The following RGS6 variants were observed in gnomAD, a reference collection of about 807,000 sequenced individuals.
RGS6 encodes regulator of G protein signaling 6, also known as regulator of G-protein signaling 6.
A neutral mutation model predicts 78.5 loss-of-function variants in RGS6; 30 were observed. The ratio of observed to expected loss-of-function variants is 0.38; its 90% CI spans 0.29 to 0.52. RGS6 has a LOEUF of 0.52. RGS6 is among the 20% of genes least tolerant of loss of function. The probability of loss-of-function intolerance (pLI) is 0.85; values close to 1 mark genes in which losing one functional copy is unlikely to be tolerated. For synonymous variants in RGS6, 206 were observed against 206.0 expected, an observed-to-expected ratio of 1.00 and a Z score of 0.00; for missense variants, 495 against 609.7, an observed-to-expected ratio of 0.81 and a Z score of 1.98.
chr14:72,404,269 T>C (rs2153017704), intron 3 of RGS6, among the ~76,000 whole-genome samples: 1 of 152,318 alleles, frequency 6.6e-6, no homozygotes, highest in African/African-American at 2.4e-5. Flanking sequence ...TACAAGCTCC[T>C]TTAAGATGCC....
At chr14:72,311,789 A>G (rs1359378207) in intron 2 of RGS6, among the ~76,000 whole-genome samples, 2 of 152,212 alleles carry the variant, frequency 1.3e-5, no homozygotes, top group South Asian at 4.1e-4. Flanking sequence ...ATTTACATAC[A>G]AAATTGTGGT....
intron 2 of RGS6, among the ~76,000 whole-genome samples, chr14:72,011,123 C>G (rs1170833822): frequency 6.6e-6 from 1 of 152,230 alleles, no homozygotes; most frequent in African/African-American, 2.4e-5. Flanking sequence ...TCCTTTTCCT[C>G]CTCTTTGAGT....
chr14:71,985,766 T>C (rs1247518857), intron 2 of RGS6, among the ~76,000 whole-genome samples: 1 of 152,170 alleles, frequency 6.6e-6, no homozygotes, highest in Non-Finnish European at 1.5e-5. Context: ...GAGAGCTTTG[T>C]TGATGCCTGG....
At chr14:72,024,681 C>G (rs11847964) in intron 2 of RGS6, among the ~76,000 whole-genome samples, 19,824 of 152,136 alleles carry the variant, frequency 0.13, 1,343 homozygotes, top group East Asian at 0.17. Context: ...CATAAATGAA[C>G]AAACTAGCTC....
intron 2 of RGS6, among the ~76,000 whole-genome samples, chr14:72,288,227 A>G (rs2062941918): frequency 6.6e-6 from 1 of 152,236 alleles, no homozygotes; most frequent in African/African-American, 2.4e-5. Context: ...AATATTGTAT[A>G]TAGGTAATTT....
At chr14:72,492,846 C>T (rs540677742) in intron 12 of RGS6, among the ~76,000 whole-genome samples, 80 of 152,256 alleles carry the variant, frequency 5.3e-4, no homozygotes, top group Admixed American at 1.5e-3. Flanking sequence ...CACAGTCACA[C>T]GCATTCATTT....
chr14:72,351,011 G>A (rs918106649), intron 2 of RGS6, among the ~76,000 whole-genome samples: 3 of 152,044 alleles, frequency 2.0e-5, no homozygotes, highest in Admixed American at 1.3e-4. Context: ...CAAGTTATTA[G>A]TCATGTGTCT....
chr14:72,604,908 G>A, the RGS6 span, among the ~76,000 whole-genome samples: 2 of 152,186 alleles, frequency 1.3e-5, no homozygotes, highest in Non-Finnish European at 2.9e-5. Context: ...AGGAATCCCA[G>A]AAATTAAAGC....
chr14:72,330,702 A>G (rs1456247007), intron 2 of RGS6, among the ~76,000 whole-genome samples: 2 of 152,140 alleles, frequency 1.3e-5, no homozygotes. Flanking sequence ...TTAATATTGC[A>G]TGCTTGTCAG....
chr14:72,489,109 G>A (rs2096539028), intron 12 of RGS6, among the ~76,000 whole-genome samples: 1 of 150,268 alleles, frequency 6.7e-6, no homozygotes, highest in Admixed American at 6.7e-5. Context: ...AACTAAGGCT[G>A]AGATTATTGG....
At chr14:72,623,261 G>A in the RGS6 span, among the ~76,000 whole-genome samples, 4 of 151,946 alleles carry the variant, frequency 2.6e-5, no homozygotes, top group Non-Finnish European at 5.9e-5. Flanking sequence ...TTTGATTTTA[G>A]AACCAATAAA....
intron 2 of RGS6, among the ~76,000 whole-genome samples, chr14:72,101,566 G>A (rs2095529002): frequency 6.6e-6 from 1 of 152,222 alleles, no homozygotes; most frequent in Admixed American, 6.5e-5. Flanking sequence ...TGTCTGGACT[G>A]TTGTGCTATT....
chr14:71,895,895 G>C, the RGS6 span, among the ~76,000 whole-genome samples: 1 of 152,090 alleles, frequency 6.6e-6, no homozygotes, highest in African/African-American at 2.4e-5. Context: ...TGCTCAGAGA[G>C]AGCGAGGAGA....
At chr14:72,079,111 T>C (rs2094709079) in intron 2 of RGS6, among the ~76,000 whole-genome samples, 1 of 152,064 alleles carries the variant, frequency 6.6e-6, no homozygotes, top group South Asian at 2.1e-4. Context: ...TGTTTACTAC[T>C]GCATCCAAAC....
intron 2 of RGS6, among the ~76,000 whole-genome samples, chr14:72,216,608 G>T (rs981650178): frequency 2.6e-5 from 4 of 152,130 alleles, no homozygotes; most frequent in African/African-American, 9.7e-5. Flanking sequence ...CTAATTGCAG[G>T]TCTTACAATT....
chr14:72,238,200 A>C (rs1038532254), intron 2 of RGS6, among the ~76,000 whole-genome samples: 2 of 152,134 alleles, frequency 1.3e-5, no homozygotes, highest in Admixed American at 6.5e-5. Flanking sequence ...TCGGACACTC[A>C]GTTGCTTCTC....
At chr14:71,995,937 G>A (rs1286164578) in intron 2 of RGS6, among the ~76,000 whole-genome samples, 1 of 152,068 alleles carries the variant, frequency 6.6e-6, no homozygotes, top group South Asian at 2.1e-4. Context: ...CCTGGCTGCC[G>A]AGTCCCCTGT....
intron 2 of RGS6, among the ~76,000 whole-genome samples, chr14:72,181,354 G>A (rs1410995511): frequency 2.0e-5 from 3 of 152,204 alleles, no homozygotes; most frequent in Non-Finnish European, 4.4e-5. Flanking sequence ...CATAATTGCT[G>A]TGCAGACAGT....
intron 2 of RGS6, among the ~76,000 whole-genome samples, chr14:72,151,003 T>C (rs568333477): frequency 1.3e-5 from 2 of 152,298 alleles, no homozygotes; most frequent in South Asian, 2.1e-4. Flanking sequence ...ATTTTCTTCA[T>C]GGAATGGTGA....
Sources: gnomAD v4.1 joint callset for allele counts (sites outside exome capture counted in the v4.1 genomes callset) on GRCh38, gnomAD v4.1.1 for gene constraint, MANE v1.5 for transcripts, NCBI Gene and HGNC (gene_info 2026-07-23, HGNC 2026-07-21) for gene names.